The following OLA1 variants were observed in gnomAD, a reference collection of about 807,000 sequenced individuals.
The protein encoded by OLA1 is obg-like ATPase 1.
A neutral mutation model predicts 48.4 loss-of-function variants in OLA1; 14 were observed. The observed-to-expected ratio is 0.29, with a 90% confidence interval of 0.19 to 0.45. The LOEUF is 0.45. OLA1 is among the 20% of genes least tolerant of loss of function. OLA1 has a pLI of 1.00. For missense variants in OLA1, 325 were observed against 467.1 expected (o/e 0.70, Z 2.80); for synonymous variants, 127 against 150.4 (o/e 0.84, Z 1.14).
At chr2:174,083,722 ACT>A (rs1684909220) in intron 7 of OLA1, among the ~76,000 whole-genome samples, 1 of 152,212 alleles carries the variant, frequency 6.6e-6, no homozygotes, top group African/African-American at 2.4e-5. Context: ...TTAGTAACTT[ACT>A]TTCATTATAC....
At chr2:174,078,147 A>C (rs1292633714) in intron 10 of OLA1, among the ~76,000 whole-genome samples, 1 of 152,050 alleles carries the variant, frequency 6.6e-6, no homozygotes, top group Non-Finnish European at 1.5e-5. Flanking sequence ...AAAATAAAGT[A>C]AACCTGAAAT....
chr2:174,158,752 C>T (rs900076379), intron 4 of OLA1, among the ~76,000 whole-genome samples: 1 of 152,134 alleles, frequency 6.6e-6, no homozygotes, highest in Non-Finnish European at 1.5e-5. Context: ...GAGCAAAAAA[C>T]AGGGGGACTA....
chr2:174,214,614 G>C (rs1688319896), intron 4 of OLA1, among the ~76,000 whole-genome samples: 1 of 152,038 alleles, frequency 6.6e-6, no homozygotes. Context: ...AGGGCCCTTG[G>C]GTGGAAAAAT....
intron 4 of OLA1, among the ~76,000 whole-genome samples, chr2:174,159,910 A>T (rs1686973110): frequency 6.6e-6 from 1 of 152,084 alleles, no homozygotes; most frequent in Non-Finnish European, 1.5e-5. Flanking sequence ...TAAAATCTTC[A>T]GAAAATTTTG....
chr2:174,168,982 G>A (rs957884296), intron 4 of OLA1, among the ~76,000 whole-genome samples: 28 of 151,594 alleles, frequency 1.8e-4, no homozygotes, highest in African/African-American at 9.7e-5. Flanking sequence ...GTTTTGAGAC[G>A]GAGTCTCGCC....
At chr2:174,221,282 T>A (rs530140699) in intron 4 of OLA1, among the ~76,000 whole-genome samples, 2 of 152,220 alleles carry the variant, frequency 1.3e-5, no homozygotes, top group Non-Finnish European at 2.9e-5. Flanking sequence ...CCCACAAGGG[T>A]TAGAAAATCA....
chr2:174,180,191 A>G (rs1687502071), intron 4 of OLA1, among the ~76,000 whole-genome samples: 1 of 152,192 alleles, frequency 6.6e-6, no homozygotes, highest in Non-Finnish European at 1.5e-5. Flanking sequence ...TAAAGATTCC[A>G]TAATAAAATA....
chr2:174,156,725 C>T (rs1028504341), intron 4 of OLA1, among the ~76,000 whole-genome samples: 2 of 151,680 alleles, frequency 1.3e-5, no homozygotes, highest in African/African-American at 4.8e-5. Flanking sequence ...GCTGGGATTA[C>T]AGGCGCCCAC....
chr2:174,135,400 G>A (rs1387396853), intron 5 of OLA1, among the ~76,000 whole-genome samples: 1 of 152,102 alleles, frequency 6.6e-6, no homozygotes, highest in Non-Finnish European at 1.5e-5. Flanking sequence ...AACATGATTA[G>A]TTCTTCATTT....
chr2:174,073,589 T>C lies in OLA1; in HGVS notation c.*1837A>G, dbSNP rs6748785. The C allele has an allele frequency of 1.3e-3, 202 of 152,338 alleles. No individual in the cohort carries two copies. Among genetic ancestry groups the C allele is most frequent in the African/African-American group, 4.5e-3 (189 of 41,578 alleles). The allele number at this position is 152,338 out of a possible 1,614,324, so 9.4% of individuals were successfully genotyped here. ...ATGCAGTTACCTCAAAACTAACTCC[T>C]TTCTTTTATTAATGGTTCTGTTGCA... On this transcript the variant is annotated 3_prime_UTR_variant, in exon 11 of 11. Coordinates refer to ENST00000284719, the MANE Select transcript of OLA1 (RefSeq NM_013341.5).
At chr2:174,091,869 CAAAAAAAAAAAAAAAAAAAA>C (rs1174747360) in intron 7 of OLA1, among the ~76,000 whole-genome samples, 1,083 of 22,952 alleles carry the variant, frequency 0.047, 18 homozygotes, top group South Asian at 0.14. Context: ...GACTCTGCCT[CAAAAAAAAAAAAAAAAAAAA>C]AAAAAAAAAA....
intron 4 of OLA1, among the ~76,000 whole-genome samples, chr2:174,197,096 A>G (rs1687893877): frequency 6.6e-6 from 1 of 152,198 alleles, no homozygotes; most frequent in African/African-American, 2.4e-5. Context: ...AAATCAGACC[A>G]TGGAGAAGAC....
chr2:174,222,112 A>G (rs1688519483), intron 4 of OLA1, among the ~76,000 whole-genome samples: 1 of 152,160 alleles, frequency 6.6e-6, no homozygotes, highest in African/African-American at 2.4e-5. Context: ...GCAAAATTGC[A>G]ATTACTTTTG....
At chr2:174,131,839 G>A (rs1686189270) in intron 5 of OLA1, among the ~76,000 whole-genome samples, 1 of 151,942 alleles carries the variant, frequency 6.6e-6, no homozygotes, top group African/African-American at 2.4e-5. Flanking sequence ...GGCCTTTTAT[G>A]TTCATGAAAG....
At chr2:174,124,895 C>T (rs1686012976) in intron 5 of OLA1, among the ~76,000 whole-genome samples, 1 of 152,048 alleles carries the variant, frequency 6.6e-6, no homozygotes, top group Admixed American at 6.5e-5. Context: ...TCCTTAGATC[C>T]TGATTTGAAA....
intron 7 of OLA1, among the ~76,000 whole-genome samples, chr2:174,120,545 A>G (rs1215125336): frequency 6.6e-6 from 1 of 152,180 alleles, no homozygotes; most frequent in East Asian, 1.9e-4. Context: ...CTGCCATGTC[A>G]GCTTCTCTTC....
At chr2:174,215,028 C>A (rs145495932) in intron 4 of OLA1, among the ~76,000 whole-genome samples, 1 of 148,276 alleles carries the variant, frequency 6.7e-6, no homozygotes, top group Non-Finnish European at 1.5e-5. Flanking sequence ...CCAGCCTGGG[C>A]GACAGAGTGA....
intron 4 of OLA1, among the ~76,000 whole-genome samples, chr2:174,193,691 C>T (rs535048448): frequency 3.3e-4 from 50 of 152,166 alleles, no homozygotes; most frequent in Non-Finnish European, 6.3e-4. Flanking sequence ...TTATGATGGG[C>T]CTTAATTTAT....
At chr2:174,217,427 T>C (rs1688386891) in intron 4 of OLA1, among the ~76,000 whole-genome samples, 1 of 149,018 alleles carries the variant, frequency 6.7e-6, no homozygotes, top group East Asian at 2.1e-4. Context: ...TCTAAAAATA[T>C]GACATTATTT....
Sources: allele counts gnomAD v4.1 joint callset (sites outside exome capture counted in the v4.1 genomes callset), GRCh38; gene constraint gnomAD v4.1.1; transcripts MANE v1.5; gene names NCBI Gene and HGNC (gene_info 2026-07-23, HGNC 2026-07-21).